NSD1: variants seen among roughly 807,000 people sequenced by gnomAD.
The protein encoded by NSD1 is nuclear receptor binding SET domain protein 1.
A neutral mutation model predicts 242.7 loss-of-function variants in NSD1; 26 were observed. That is an observed-to-expected ratio of 0.11 (90% CI 0.08 to 0.15). The LOEUF is 0.15. Ranked by LOEUF, NSD1 falls within the 10% of genes least tolerant of loss-of-function variation. The pLI is 1.00. For synonymous variants in NSD1, 1,106 were observed against 1,178.1 expected (o/e 0.94, Z 1.25); for missense variants, 2,495 against 3,272.8 (o/e 0.76, Z 5.80).
intron 5 of NSD1, among the ~76,000 whole-genome samples, chr5:177,229,450 C>A (rs1219691294): frequency 2.6e-5 from 4 of 152,150 alleles, no homozygotes; most frequent in Non-Finnish European, 4.4e-5. Context: ...TTAAGGTTTG[C>A]ATAATTACTC....
chr5:177,183,602 A>G (rs1290791732), intron 2 of NSD1, among the ~76,000 whole-genome samples: 1 of 152,202 alleles, frequency 6.6e-6, no homozygotes, highest in Non-Finnish European at 1.5e-5. Flanking sequence ...CATCCCCTCA[A>G]GGATTTATCC....
intron 12 of NSD1, among the ~76,000 whole-genome samples, chr5:177,255,745 G>A (rs1756385087): frequency 6.6e-6 from 1 of 152,064 alleles, no homozygotes; most frequent in Admixed American, 6.6e-5. Context: ...ACCACACCCA[G>A]CTAATTGTTT....
rs1156373751 is a variant in NSD1 at position 177,296,165 on chromosome 5, C to T, written c.*706C>T. On this transcript the variant is annotated 3_prime_UTR_variant, in exon 23 of 23. Transcript: ENST00000439151. ...CTCACAGAGGTCTCCTCTATAGATGCAAGGGTGCTGCATTGAGGCCAGCAA... is the reference window on the plus strand; with the variant it reads ...CTCACAGAGGTCTCCTCTATAGATGTAAGGGTGCTGCATTGAGGCCAGCAA... The T allele has an allele frequency of 8.3e-6, 2 of 240,606 alleles. No individual in the cohort carries two copies. The highest frequency in any genetic ancestry group is 1.2e-4 in the East Asian group (2 of 16,860). The allele number at this position is 240,606 out of a possible 1,614,324, so 14.9% of individuals were successfully genotyped here.
intron 4 of NSD1, among the ~76,000 whole-genome samples, chr5:177,207,294 T>C (rs1471153346): frequency 6.6e-6 from 1 of 151,320 alleles, no homozygotes; most frequent in African/African-American, 2.4e-5. Context: ...TTTTATTTAT[T>C]TATTTTGAGA....
intron 2 of NSD1, among the ~76,000 whole-genome samples, chr5:177,174,871 C>CT (rs377543241): frequency 0.69 from 61,923 of 89,672 alleles, 22,398 homozygotes; most frequent in East Asian, 0.95. Flanking sequence ...CCTTATCTGA[C>CT]TTTTTTTTTT....
intron 2 of NSD1, among the ~76,000 whole-genome samples, chr5:177,162,095 C>T (rs189013145): frequency 6.6e-6 from 1 of 151,904 alleles, no homozygotes; most frequent in East Asian, 1.9e-4. Context: ...ATCCAGAGTT[C>T]GAGACTAGCC....
chr5:177,183,751 T>C (rs1387858536), intron 2 of NSD1, among the ~76,000 whole-genome samples: 1 of 152,182 alleles, frequency 6.6e-6, no homozygotes, highest in Non-Finnish European at 1.5e-5. Context: ...TCATCTGTTC[T>C]TTTGTTTTCT....
intron 17 of NSD1, among the ~76,000 whole-genome samples, chr5:177,277,293 GAC>G (rs1458418387): frequency 3.3e-5 from 5 of 152,072 alleles, no homozygotes; most frequent in Non-Finnish European, 5.9e-5. Context: ...GAGATTTTGT[GAC>G]ACATAAAGAT....
intron 3 of NSD1, among the ~76,000 whole-genome samples, chr5:177,202,314 CAGTG>C (rs1020803233): frequency 2.0e-5 from 3 of 152,062 alleles, no homozygotes; most frequent in Non-Finnish European, 4.4e-5. Context: ...ATCTGTCAGA[CAGTG>C]AGTTCTTTTT....
intron 11 of NSD1, among the ~76,000 whole-genome samples, chr5:177,249,568 G>A (rs1463984443): frequency 6.6e-6 from 1 of 152,050 alleles, no homozygotes; most frequent in Non-Finnish European, 1.5e-5. Flanking sequence ...CTGGGTTCAC[G>A]CCATTCTCCT....
rs1288205390 is a variant in NSD1, at chr5:177,299,646, T to C, written c.*4187T>C. ...AATCCACAACCTCGGAAGAAGTGTT[T>C]CGAGTTTAACATGCGCTGTTTCTGC... On this transcript the variant is annotated 3_prime_UTR_variant, in exon 23 of 23. Coordinates refer to ENST00000439151, the MANE Select transcript of NSD1 (RefSeq NM_022455.5). 3 of 233,198 alleles carry C rather than the reference T, an allele frequency of 1.3e-5. No homozygotes were observed. The highest frequency in any genetic ancestry group is 6.6e-5 in the African/African-American group (3 of 45,340). The allele number at this position is 233,198 out of a possible 1,614,324, so 14.4% of individuals were successfully genotyped here.
chr5:177,287,050 T>C (rs1759394525), intron 20 of NSD1, among the ~76,000 whole-genome samples: 1 of 152,230 alleles, frequency 6.6e-6, no homozygotes, highest in African/African-American at 2.4e-5. Context: ...CCATCCCTAC[T>C]CTTGTTTATC....
At chr5:177,161,941 G>A (rs900676026) in intron 2 of NSD1, among the ~76,000 whole-genome samples, 2 of 151,978 alleles carry the variant, frequency 1.3e-5, no homozygotes, top group Non-Finnish European at 2.9e-5. Context: ...GTGAGCCACT[G>A]TTCTAGGCAC....
intron 2 of NSD1, among the ~76,000 whole-genome samples, chr5:177,164,687 A>T (rs1199411662): frequency 2.0e-5 from 3 of 152,050 alleles, no homozygotes; most frequent in Non-Finnish European, 4.4e-5. Context: ...CACGCCCATA[A>T]TTCCAGCACT....
intron 5 of NSD1, among the ~76,000 whole-genome samples, chr5:177,221,538 C>T (rs1042207026): frequency 6.6e-6 from 1 of 151,902 alleles, no homozygotes; most frequent in Admixed American, 6.6e-5. Flanking sequence ...GTGGTACAAT[C>T]TCAGCTCACT....
chr5:177,192,984 T>G (rs1283594032), intron 3 of NSD1, among the ~76,000 whole-genome samples: 1 of 152,236 alleles, frequency 6.6e-6, no homozygotes, highest in Non-Finnish European at 1.5e-5. Flanking sequence ...GCTGAAACAA[T>G]TGTAAATGTT....
At chr5:177,251,568 A>C (rs1274355345) in intron 11 of NSD1, among the ~76,000 whole-genome samples, 162 bp from the exon 12 acceptor site, 1 of 152,172 alleles carries the variant, frequency 6.6e-6, no homozygotes, top group Non-Finnish European at 1.5e-5. Flanking sequence ...CCAATGGTAC[A>C]CCTTTGTAAC....
At chr5:177,200,699 A>G (rs1312224191) in intron 3 of NSD1, among the ~76,000 whole-genome samples, 1 of 152,146 alleles carries the variant, frequency 6.6e-6, no homozygotes, top group African/African-American at 2.4e-5. Flanking sequence ...AATGTCTTCT[A>G]AGTTCATCAA....
intron 5 of NSD1, among the ~76,000 whole-genome samples, chr5:177,230,690 G>A (rs1764988900): frequency 6.6e-6 from 1 of 151,906 alleles, no homozygotes. Flanking sequence ...AGCCAGATGT[G>A]GTGGCTTGTG....
Sources: gnomAD v4.1 joint callset for allele counts (sites outside exome capture counted in the v4.1 genomes callset) on GRCh38, gnomAD v4.1.1 for gene constraint, MANE v1.5 for transcripts, NCBI Gene and HGNC (gene_info 2026-07-23, HGNC 2026-07-21) for gene names.